ARHGAP1: variants seen among roughly 807,000 people sequenced by gnomAD.
The protein encoded by ARHGAP1 is rho GTPase-activating protein 1.
A neutral mutation model predicts 52.2 loss-of-function variants in ARHGAP1; 23 were observed. The ratio of observed to expected loss-of-function variants is 0.44; its 90% CI spans 0.32 to 0.62. ARHGAP1 has a LOEUF of 0.62. Among genes scored for constraint, ARHGAP1 ranks in the 20% least tolerant of loss-of-function variants. ARHGAP1 has a pLI of 0.05. For synonymous variants in ARHGAP1, 210 were observed against 228.4 expected (o/e 0.92, Z 0.73); for missense variants, 480 against 560.9 (o/e 0.86, Z 1.46).
chr11:46,690,374 G>T (rs1366064140), intron 3 of ARHGAP1, among the ~76,000 whole-genome samples: 1 of 150,344 alleles, frequency 6.7e-6, no homozygotes, highest in Non-Finnish European at 1.5e-5. Context: ...GTGATAAAGC[G>T]AGACTCCGTC....
chr11:46,694,788 A>C (rs1310745163), intron 3 of ARHGAP1, among the ~76,000 whole-genome samples: 1 of 152,156 alleles, frequency 6.6e-6, no homozygotes, highest in Non-Finnish European at 1.5e-5. Flanking sequence ...CGCCATGGAA[A>C]CACCTTTGAC....
rs757019907 is a variant in ARHGAP1, at chr11:46,681,226, T to A, written c.536+67A>T. 7.7e-6 allele frequency: 12 copies of A among 1,557,268 alleles called. No homozygotes were observed. Among genetic ancestry groups the A allele is most frequent in the Non-Finnish European group, 1.1e-5 (12 of 1,128,480 alleles). ...CAGCCGCACCTGGTGGTCCCCAGGCTGCCCAGCCTCCCAGCTTCAGAGTTC... is the reference window on the plus strand; with the variant it reads ...CAGCCGCACCTGGTGGTCCCCAGGCAGCCCAGCCTCCCAGCTTCAGAGTTC... On this transcript the variant is annotated intron_variant, in intron 6 of 12. Transcript: ENST00000311956. This position sits in a 1 kb window ranked among gnomAD's most constrained non-coding sequence, Gnocchi z 5.7.
At chr11:46,686,772 A>T (rs1344749991) in intron 4 of ARHGAP1, 1 of 151,168 alleles carries the variant, frequency 6.6e-6, no homozygotes, top group East Asian at 1.9e-4. Flanking sequence ...TCTGTCGCCC[A>T]GGCTAGAGTG....
At chr11:46,693,142 G>T (rs1400978092) in intron 3 of ARHGAP1, among the ~76,000 whole-genome samples, 2 of 152,008 alleles carry the variant, frequency 1.3e-5, no homozygotes, top group African/African-American at 2.4e-5. Flanking sequence ...ATGAGCCACC[G>T]CGCCTGGCCT....
In ARHGAP1 at chr11:46,695,673, G is replaced by T. The variant is rs1262296498; in HGVS notation, c.216C>A (p.Ile72=). 6.4e-7 allele frequency: 1 copy of T among 1,551,796 alleles called. No homozygotes were observed. The highest frequency in any genetic ancestry group is 2.0e-5 in the Admixed American group (1 of 51,018). The change falls in exon 3 of 13, where the codon ATC becomes ATA. Residue 72 remains isoleucine, a synonymous_variant. Transcript: ENST00000311956. ...DPYYDIARHQ[I]VEVAGDDKYG... is the part of the protein sequence containing the mutation. The stretch of plus-strand genomic sequence containing the variant: ...GGGTGTGCTTACCTGCCACCTCCAC[G>T]ATCTGGTGCCGGGCGATGTCATAGT...
chr11:46,680,721 T>C lies in ARHGAP1; in HGVS notation c.662A>G (p.Gln221Arg). ...CTTGGGGGCTGTCGCGGGGCTCTTCTGTGTGGATTTCAGGAAGTCGTCATA... is the reference window on the plus strand; with the variant it reads ...CTTGGGGGCTGTCGCGGGGCTCTTCCGTGTGGATTTCAGGAAGTCGTCATA... ...LKYDDFLKST[Q>R]KSPATAPKPM... is the part of the protein sequence containing the mutation. Residue 221 changes from glutamine to arginine, a missense_variant, in exon 8 of 13, where the codon CAG (glutamine) becomes CGG (arginine). Transcript: ENST00000311956. The surrounding 1 kb of genome is among the most constrained non-coding windows in gnomAD (Gnocchi z 5.9). 1 of 1,563,200 alleles carries C rather than the reference T, an allele frequency of 6.4e-7. No homozygotes were observed. Among genetic ancestry groups the C allele is most frequent in the Non-Finnish European group, 8.7e-7 (1 of 1,155,772 alleles).
chr11:46,677,643 C>A lies in ARHGAP1; in HGVS notation c.*1394G>T. 1 of 231,360 alleles carries A rather than the reference C, an allele frequency of 4.3e-6. No homozygotes were observed. The highest frequency in any genetic ancestry group is 8.7e-6 in the Non-Finnish European group (1 of 114,528). The allele number at this position is 231,360 out of a possible 1,614,324, so 14.3% of individuals were successfully genotyped here. On this transcript the variant is annotated 3_prime_UTR_variant, in exon 13 of 13. Transcript: ENST00000311956. ...GAGTGAGATCAGCCATCACTGGGGC[C>A]GAGGTTCTTTGAAAGACAACAGGGC...
At position 46,688,254 on chromosome 11, in the gene ARHGAP1, T is replaced by C. The variant is rs1379319700; in HGVS notation, c.236A>G (p.Asp79Gly). Reference protein sequence around the residue: ...RHQIVEVAGDDKYGRKIIVFS... With the variant: ...RHQIVEVAGDGKYGRKIIVFS... Reference sequence around the variant, plus strand: ...CACAATGATCTTCCGCCCATACTTGTCATCTCCTAGGTGTGGAGAAAGATG... The same window carrying C: ...CACAATGATCTTCCGCCCATACTTGCCATCTCCTAGGTGTGGAGAAAGATG... The change falls in exon 4 of 13, where the codon GAC becomes GGC. Residue 79 changes from aspartate to glycine, a missense_variant. By Grantham distance (94) the Asp-to-Gly change is moderately conservative (BLOSUM62 -1). Coordinates refer to ENST00000311956, the MANE Select transcript of ARHGAP1 (RefSeq NM_004308.5). 3 of 1,613,642 alleles carry C rather than the reference T, an allele frequency of 1.9e-6. No homozygotes were observed. Among genetic ancestry groups the C allele is most frequent in the Non-Finnish European group, 2.5e-6 (3 of 1,179,798 alleles).
chr11:46,699,365 A>G (rs2064681006), intron 1 of ARHGAP1, among the ~76,000 whole-genome samples: 1 of 152,166 alleles, frequency 6.6e-6, no homozygotes, highest in South Asian at 2.1e-4. Context: ...CAACCTCACG[A>G]TAGCACTGAT....
rs1188129984 is a variant in ARHGAP1 at position 46,678,740 on chromosome 11, G to A, written c.*297C>T. ...GGGAAACAGAGGCAGGAAAAAGCAG[G>A]AAAGGGGTTACTGGGGCTCAGTCCT... On this transcript the variant is annotated 3_prime_UTR_variant, in exon 13 of 13. Transcript: ENST00000311956. The A allele has an allele frequency of 2.5e-6, 1 of 396,126 alleles. No homozygotes were observed. Among genetic ancestry groups the A allele is most frequent in the Non-Finnish European group, 4.6e-6 (1 of 219,078 alleles). 24.5% of individuals were successfully genotyped at this position (396,126 alleles called of 1,614,324 possible).
chr11:46,691,475 T>TG (rs2064615039), intron 3 of ARHGAP1, among the ~76,000 whole-genome samples: 1 of 135,394 alleles, frequency 7.4e-6, no homozygotes, highest in African/African-American at 2.8e-5. Context: ...TTTTTTGAGA[T>TG]GGAGTTTTGC....
At chr11:46,693,053 T>C (rs1002882106) in intron 3 of ARHGAP1, among the ~76,000 whole-genome samples, 8 of 152,020 alleles carry the variant, frequency 5.3e-5, no homozygotes, top group African/African-American at 1.2e-4. Flanking sequence ...GGGGTTTCAC[T>C]GTGTTAGCCA....
At chr11:46,693,232 G>A (rs182987690) in intron 3 of ARHGAP1, among the ~76,000 whole-genome samples, 3 of 151,300 alleles carry the variant, frequency 2.0e-5, no homozygotes, top group South Asian at 4.2e-4. Context: ...TCCTGACCTC[G>A]TGATCCACCA....
rs748376853 is a variant in ARHGAP1 at position 46,679,688 on chromosome 11, C to T, written c.987G>A (p.Leu329=). ...KTFLRELPEP[L]LTFDLYPHVV... is the part of the protein sequence containing the mutation. ...CATGGGGGTAGAGGTCAAAGGTGAG[C>T]AGGGGCTCAGGAAGCTCCCGGAGGA... The change falls in exon 11 of 13, where the codon CTG becomes CTA. Residue 329 remains leucine (L), a synonymous_variant. Coordinates refer to ENST00000311956, the MANE Select transcript of ARHGAP1 (RefSeq NM_004308.5). This position sits in a 1 kb window ranked among gnomAD's most constrained non-coding sequence, Gnocchi z 4.4. The T allele has an allele frequency of 5.0e-6, 8 of 1,614,004 alleles. No individual in the cohort carries two copies. The highest frequency in any genetic ancestry group is 6.8e-6 in the Non-Finnish European group (8 of 1,180,012).
chr11:46,681,303 G>A lies in ARHGAP1; in HGVS notation c.526C>T (p.Pro176Ser). 1 of 1,613,222 alleles carries A rather than the reference G, an allele frequency of 6.2e-7. No homozygotes were observed. Among genetic ancestry groups the A allele is most frequent in the Non-Finnish European group, 8.5e-7 (1 of 1,179,166 alleles). The change falls in exon 6 of 13, where the codon CCC becomes TCC. Residue 176 changes from proline (P) to serine (S), a missense_variant. Coordinates refer to ENST00000311956, the MANE Select transcript of ARHGAP1 (RefSeq NM_004308.5). This position sits in a 1 kb window ranked among gnomAD's most constrained non-coding sequence, Gnocchi z 5.7. ...CCCGTGGCCACTCACCTGATGAGGG[G>A]CTTGAAGAGGATGAGCAGAGTTTTG... ...FIKTLLILFKPLISFKFGQKI... is the reference protein window; with the variant it reads ...FIKTLLILFKSLISFKFGQKI...
Position 46,682,199 on chromosome 11 carries a change from C to T in ARHGAP1, c.318-17G>A. The T allele has an allele frequency of 6.2e-7, 1 of 1,613,728 alleles. No individual in the cohort carries two copies. Among genetic ancestry groups the T allele is most frequent in the Non-Finnish European group, 8.5e-7 (1 of 1,179,754 alleles). ...TTCAGGTACCTTCCAGGGAAAAGCC[C>T]TGCTCAGGCCTGCCCTGTGCACAGG... On this transcript the variant is annotated splice_polypyrimidine_tract_variant and intron_variant, in intron 4 of 12. Transcript: ENST00000311956.
rs992656211 is a variant in ARHGAP1 at position 46,699,163 on chromosome 11, A to G, written c.-50+1388T>C. On this transcript the variant is annotated intron_variant, in intron 1 of 12. Transcript: ENST00000311956. ...CTAAGAAAACTTAGGAGATGTATGC[A>G]ATTTTAAGAGGTTCATACACCTTCT... 7.2e-4 allele frequency among the ~76,000 whole-genome samples: 110 copies of G among 152,218 alleles called. 2 individuals are homozygous for G. The highest frequency in any genetic ancestry group is 1.3e-3 in the Non-Finnish European group (90 of 68,044).
At chr11:46,683,242 T>C (rs549735926) in intron 4 of ARHGAP1, among the ~76,000 whole-genome samples, 1 of 152,118 alleles carries the variant, frequency 6.6e-6, no homozygotes, top group South Asian at 2.1e-4. Flanking sequence ...CAGGTCTCAC[T>C]ATGTTGCCCA....
intron 2 of ARHGAP1, 33 bp from the exon 3 acceptor site, chr11:46,695,788 AG>A: frequency 6.4e-7 from 1 of 1,554,008 alleles, no homozygotes; most frequent in African/African-American, 1.4e-5. Context: ...GGGACAAGCC[AG>A]GGGGCTGGCA....
Sources: allele counts gnomAD v4.1 joint callset (sites outside exome capture counted in the v4.1 genomes callset), GRCh38; gene constraint gnomAD v4.1.1; non-coding constraint Gnocchi (gnomAD v3.1); transcripts MANE v1.5; gene names NCBI Gene and HGNC (gene_info 2026-07-23, HGNC 2026-07-21).